NRG3: variants seen among roughly 807,000 people sequenced by gnomAD.
The protein encoded by NRG3 is pro-neuregulin-3, membrane-bound isoform.
NRG3 carries 31 observed loss-of-function variants against 66.9 expected under a neutral mutation model. The ratio of observed to expected loss-of-function variants is 0.46; its 90% CI spans 0.35 to 0.63. NRG3 has a LOEUF of 0.63. NRG3 is among the 20% of genes least tolerant of loss of function. NRG3 has a pLI of 0.00. For synonymous variants in NRG3, 393 were observed against 359.4 expected (o/e 1.09, Z -1.06); for missense variants, 910 against 878.9 (o/e 1.04, Z -0.45).
At chr10:82,952,844 A>G (rs560272118) in intron 5 of NRG3, among the ~76,000 whole-genome samples, 5 of 152,062 alleles carry the variant, frequency 3.3e-5, no homozygotes, top group East Asian at 3.9e-4. Context: ...TTGAGCATCA[A>G]TTCAGAATTA....
intron 7 of NRG3, among the ~76,000 whole-genome samples, chr10:82,976,077 A>G (rs992387661): frequency 6.6e-5 from 10 of 151,906 alleles, no homozygotes; most frequent in Admixed American, 4.6e-4. Context: ...TTTTTTGGAG[A>G]TAGAGTCTCG....
chr10:82,426,715 C>A (rs1316731797), intron 2 of NRG3, among the ~76,000 whole-genome samples: 1 of 151,232 alleles, frequency 6.6e-6, no homozygotes, highest in East Asian at 1.9e-4. Context: ...CCCACTGCAG[C>A]CTTTGCCTCC....
intron 4 of NRG3, among the ~76,000 whole-genome samples, chr10:82,877,035 AAAAAG>A (rs958651394): frequency 5.3e-5 from 8 of 152,074 alleles, no homozygotes; most frequent in African/African-American, 1.9e-4. Flanking sequence ...AAAAAAAAAA[AAAAAG>A]AAAGAAAGTA....
chr10:82,697,182 C>T (rs2055453293), intron 2 of NRG3, among the ~76,000 whole-genome samples: 1 of 152,194 alleles, frequency 6.6e-6, no homozygotes, highest in Non-Finnish European at 1.5e-5. Context: ...ACTTACACCA[C>T]TTTTTGTTGT....
chr10:82,453,480 G>T (rs1046322369), intron 2 of NRG3, among the ~76,000 whole-genome samples: 2 of 152,026 alleles, frequency 1.3e-5, no homozygotes, highest in Non-Finnish European at 2.9e-5. Flanking sequence ...AGGGTTTGTT[G>T]TCTGTAACCA....
At chr10:82,391,872 T>G (rs3740349) in intron 2 of NRG3, among the ~76,000 whole-genome samples, 9,116 of 151,962 alleles carry the variant, frequency 0.06, 371 homozygotes, top group East Asian at 0.22. Context: ...CCATACAATC[T>G]TCAGATTGTG....
At chr10:82,494,306 G>A (rs921276594) in intron 2 of NRG3, among the ~76,000 whole-genome samples, 1 of 152,000 alleles carries the variant, frequency 6.6e-6, no homozygotes, top group East Asian at 1.9e-4. Context: ...CCTCTCCTCC[G>A]CAAAGATTTC....
chr10:81,942,013 T>C (rs1230316239), intron 1 of NRG3, among the ~76,000 whole-genome samples: 1 of 152,176 alleles, frequency 6.6e-6, no homozygotes, highest in Non-Finnish European at 1.5e-5. Flanking sequence ...ACTTTAGATC[T>C]TCTCATCCTT....
chr10:82,411,984 A>G (rs950650953), intron 2 of NRG3, among the ~76,000 whole-genome samples: 4 of 152,162 alleles, frequency 2.6e-5, no homozygotes, highest in East Asian at 1.9e-4. Flanking sequence ...AGTTGATTCT[A>G]TTAATCCAAG....
intron 2 of NRG3, among the ~76,000 whole-genome samples, chr10:82,688,872 G>A (rs1347675771): frequency 6.6e-6 from 1 of 151,918 alleles, no homozygotes; most frequent in Non-Finnish European, 1.5e-5. Context: ...TACTGCTCCT[G>A]ATAGATTTTT....
intron 2 of NRG3, among the ~76,000 whole-genome samples, chr10:82,697,766 T>G (rs887829843): frequency 6.6e-6 from 1 of 152,094 alleles, no homozygotes; most frequent in Admixed American, 6.6e-5. Flanking sequence ...CGCTTGCTGG[T>G]AGCTGGGTAG....
intron 4 of NRG3, among the ~76,000 whole-genome samples, chr10:82,915,776 A>G (rs1845769578): frequency 6.6e-6 from 1 of 151,576 alleles, no homozygotes; most frequent in African/African-American, 2.4e-5. Context: ...CACAACCTAA[A>G]TGATACTCAC....
At chr10:81,880,230 T>C (rs1293765685) in intron 1 of NRG3, among the ~76,000 whole-genome samples, 1 of 152,106 alleles carries the variant, frequency 6.6e-6, no homozygotes, top group Admixed American at 6.5e-5. Context: ...CCTTTTTAGT[T>C]TGGACTCGTT....
chr10:82,682,398 C>CAGACAGAT (rs145416247), intron 2 of NRG3, among the ~76,000 whole-genome samples: 90 of 149,636 alleles, frequency 6.0e-4, no homozygotes, highest in African/African-American at 2.1e-3. Flanking sequence ...AGTAGATAGA[C>CAGACAGAT]AGATAGATAG....
intron 1 of NRG3, among the ~76,000 whole-genome samples, chr10:82,119,149 G>C: frequency 6.6e-6 from 1 of 152,038 alleles, no homozygotes; most frequent in East Asian, 1.9e-4. Context: ...TATTTTTTGT[G>C]GTGAGAACAT....
chr10:82,387,017 C>G (rs2086044034), intron 2 of NRG3, among the ~76,000 whole-genome samples: 1 of 152,130 alleles, frequency 6.6e-6, no homozygotes, highest in Non-Finnish European at 1.5e-5. Context: ...CCAGGTTGGT[C>G]TCGAACTCCT....
intron 3 of NRG3, among the ~76,000 whole-genome samples, chr10:82,844,861 A>G (rs1193999000): frequency 6.6e-6 from 1 of 152,206 alleles, no homozygotes; most frequent in African/African-American, 2.4e-5. Context: ...TGGAAATTTA[A>G]AGGGCTTCAC....
intron 3 of NRG3, among the ~76,000 whole-genome samples, chr10:82,857,073 C>A (rs776165629): frequency 2.3e-4 from 35 of 152,122 alleles, no homozygotes; most frequent in African/African-American, 8.4e-4. Context: ...AAAATTCTAC[C>A]CATTATTTAG....
At chr10:82,009,817 A>G (rs2132622873) in intron 1 of NRG3, among the ~76,000 whole-genome samples, 1 of 152,310 alleles carries the variant, frequency 6.6e-6, no homozygotes, top group South Asian at 2.1e-4. Flanking sequence ...TCCTTTGGGC[A>G]TTTGCCTTGT....
Sources: gnomAD v4.1 joint callset for allele counts (sites outside exome capture counted in the v4.1 genomes callset) on GRCh38, gnomAD v4.1.1 for gene constraint, MANE v1.5 for transcripts, NCBI Gene and HGNC (gene_info 2026-07-23, HGNC 2026-07-21) for gene names.